VGLL4: variants seen among roughly 807,000 people sequenced by gnomAD.
The protein encoded by VGLL4 is transcription cofactor vestigial-like protein 4.
VGLL4 carries 7 observed loss-of-function variants against 21.0 expected under a neutral mutation model. The observed-to-expected ratio is 0.33, with a 90% CI of 0.19 to 0.63. The LOEUF is 0.63. Among genes scored for constraint, VGLL4 ranks in the 20% least tolerant of loss-of-function variants. VGLL4 has a pLI of 0.78. For missense variants in VGLL4, 394 were observed against 425.7 expected, an observed-to-expected ratio of 0.93 and a Z score of 0.66; for synonymous variants, 222 against 173.2, an observed-to-expected ratio of 1.28 and a Z score of -2.21.
intron 2 of VGLL4, among the ~76,000 whole-genome samples, chr3:11,689,846 T>C (rs116664732): frequency 0.031 from 4,756 of 152,142 alleles, 252 homozygotes; most frequent in African/African-American, 0.11. Flanking sequence ...GGAGGCAGAG[T>C]GGGGGACAAA....
chr3:11,705,263 G>A (rs6788714), intron 1 of VGLL4, among the ~76,000 whole-genome samples: 99,297 of 152,176 alleles, frequency 0.65, 32,609 homozygotes, highest in African/African-American at 0.71. Context: ...GGCGGACAAC[G>A]GGAAGGCCAG....
At chr3:11,561,559 A>G (rs1402138331) in intron 3 of VGLL4, among the ~76,000 whole-genome samples, 8 of 152,174 alleles carry the variant, frequency 5.3e-5, no homozygotes, top group Non-Finnish European at 1.2e-4. Flanking sequence ...AGCTGGAGTC[A>G]GGCATCTTGC....
At chr3:11,571,103 G>A (rs940425108) in intron 2 of VGLL4, among the ~76,000 whole-genome samples, 28 of 152,268 alleles carry the variant, frequency 1.8e-4, no homozygotes, top group African/African-American at 5.8e-4. Flanking sequence ...GAAGTGTGTC[G>A]TGGGCAGGAA....
Position 11,637,337 on chromosome 3 carries a change from T to C in VGLL4, c.82+6100A>G, listed in dbSNP as rs148565353. ...ATCCCTAATACATTTCTTAGTAGAG[T>C]ATAGGCATTCCATAAATGTTTAATA... On this transcript the variant is annotated intron_variant, in intron 1 of 4. Transcript: ENST00000430365. Among the ~76,000 whole-genome samples the C allele has an allele frequency of 1.9e-3, 291 of 151,962 alleles. 1 individual carries two copies. The highest frequency in any genetic ancestry group is 3.2e-3 in the Non-Finnish European group (219 of 68,006).
At chr3:11,717,622 T>C (rs2076937672) in intron 1 of VGLL4, among the ~76,000 whole-genome samples, 1 of 150,742 alleles carries the variant, frequency 6.6e-6, no homozygotes, top group South Asian at 2.1e-4. Context: ...ATTACATAGG[T>C]GAAACACCGC....
chr3:11,690,650 A>G (rs1021419327), intron 2 of VGLL4, among the ~76,000 whole-genome samples: 1 of 152,132 alleles, frequency 6.6e-6, no homozygotes, highest in Admixed American at 6.6e-5. Context: ...CAAAGAGAGA[A>G]AAAAAAACAC....
At chr3:11,678,222 T>C (rs1035797182) in intron 2 of VGLL4, among the ~76,000 whole-genome samples, 2 of 152,058 alleles carry the variant, frequency 1.3e-5, no homozygotes, top group African/African-American at 2.4e-5. Flanking sequence ...ATCTGGCTAA[T>C]TTTTTGTATT....
intron 1 of VGLL4, among the ~76,000 whole-genome samples, chr3:11,611,250 C>A (rs1349971358): frequency 6.6e-6 from 1 of 152,134 alleles, no homozygotes; most frequent in Non-Finnish European, 1.5e-5. Flanking sequence ...TATTTGAAGA[C>A]AGAGACTTTA....
In VGLL4 at chr3:11,573,267, GAA is replaced by G. The variant is rs1253449459; in HGVS notation, c.273-8250_273-8249del. Among the ~76,000 whole-genome samples the G allele has an allele frequency of 4.3e-3, 38 of 8,766 alleles. 1 individual carries two copies. The highest frequency in any genetic ancestry group is 0.031 in the South Asian group (3 of 98). 5.8% of individuals were successfully genotyped at this position (8,766 alleles called of 152,430 possible). A position where few individuals can be genotyped will look rare whatever the true frequency, so the allele number is the denominator to read the frequency against. ...ATAGAGAAAGAAAGAAAGAAAGAAAGAAAGAAAGAAAGAAAGAAAGAAAGAAA... is the reference window on the plus strand; with the variant it reads ...ATAGAGAAAGAAAGAAAGAAAGAAAGAGAAAGAAAGAAAGAAAGAAAGAAA... On this transcript the variant is annotated intron_variant, in intron 2 of 4. Transcript: ENST00000430365.
At position 11,719,457 on chromosome 3, in the gene VGLL4, G is replaced by C. The variant is rs915606424; in HGVS notation, c.-14+937C>G. 1 of 151,458 alleles carries C rather than the reference G, an allele frequency of 6.6e-6. No individual in the cohort carries two copies. The highest frequency in any genetic ancestry group is 1.5e-5 in the Non-Finnish European group (1 of 67,824). The allele number at this position is 151,458 out of a possible 1,614,324, so 9.4% of individuals were successfully genotyped here. On this transcript the variant is annotated intron_variant, in intron 1 of 5. Transcript: ENST00000273038. This position sits in a 1 kb window ranked among gnomAD's most constrained non-coding sequence, Gnocchi z 4.0. ...GGCGCGCCCGCCTGGGGCCGGCCTG[G>C]CCCTGCGGGGGACCCAGGGGCGGGG...
intron 2 of VGLL4, chr3:11,692,916 C>A (rs1052272324): frequency 2.0e-5 from 3 of 153,064 alleles, no homozygotes; most frequent in African/African-American, 7.2e-5. Context: ...TGCCTGTAAT[C>A]CCAGCACTTT....
chr3:11,608,296 T>A (rs371890698), intron 1 of VGLL4, among the ~76,000 whole-genome samples: 3 of 152,270 alleles, frequency 2.0e-5, no homozygotes, highest in South Asian at 4.1e-4. Context: ...GCCTTTTACA[T>A]GAAGATAATT....
intron 2 of VGLL4, among the ~76,000 whole-genome samples, chr3:11,581,318 C>T (rs746577581): frequency 2.0e-5 from 3 of 152,176 alleles, no homozygotes; most frequent in Non-Finnish European, 2.9e-5. Flanking sequence ...CTGCCTGCCT[C>T]GGCCTCCTGA....
intron 2 of VGLL4, among the ~76,000 whole-genome samples, chr3:11,665,104 T>C (rs2076098367): frequency 2.2e-5 from 1 of 45,666 alleles, no homozygotes; most frequent in Non-Finnish European, 5.3e-5. Context: ...TATTTTTCTT[T>C]TTTTTTTTTT....
intron 2 of VGLL4, among the ~76,000 whole-genome samples, chr3:11,694,793 A>G (rs9835698): frequency 0.71 from 107,427 of 152,064 alleles, 38,296 homozygotes; most frequent in African/African-American, 0.78. Context: ...TGATAGGTAG[A>G]CTAACATTAC....
intron 2 of VGLL4, among the ~76,000 whole-genome samples, chr3:11,649,329 C>T (rs1306729576): frequency 6.6e-5 from 10 of 151,152 alleles, no homozygotes; most frequent in Admixed American, 5.9e-4. Context: ...TGAAAACATA[C>T]ATATATATAT....
In VGLL4 at chr3:11,557,166, A is replaced by G. The variant is rs1489941892; in HGVS notation, c.*1390T>C. 1.3e-5 allele frequency: 2 copies of G among 152,766 alleles called. No individual in the cohort carries two copies. Among genetic ancestry groups the G allele is most frequent in the African/African-American group, 4.8e-5 (2 of 41,464 alleles). The allele number at this position is 152,766 out of a possible 1,614,324, so 9.5% of individuals were successfully genotyped here. ...AAACGCTCATTGACCAAAAAGGAGCAGCTGTGACCTCCACAGCTGTGTCTG... is the reference window on the plus strand; with the variant it reads ...AAACGCTCATTGACCAAAAAGGAGCGGCTGTGACCTCCACAGCTGTGTCTG... On this transcript the variant is annotated 3_prime_UTR_variant, in exon 5 of 5. Transcript: ENST00000430365.
chr3:11,618,366 C>T (rs2075204519), intron 1 of VGLL4, among the ~76,000 whole-genome samples: 2 of 152,074 alleles, frequency 1.3e-5, no homozygotes, highest in Non-Finnish European at 1.5e-5. Flanking sequence ...GAACTGAAGT[C>T]AAAAGTATGT....
intron 2 of VGLL4, among the ~76,000 whole-genome samples, chr3:11,592,959 G>A (rs777775077): frequency 9.9e-5 from 15 of 152,174 alleles, no homozygotes; most frequent in Non-Finnish European, 2.1e-4. Context: ...TGAGAATCAG[G>A]ACCTATCATC....
Sources: allele counts gnomAD v4.1 joint callset (sites outside exome capture counted in the v4.1 genomes callset), GRCh38; gene constraint gnomAD v4.1.1; non-coding constraint Gnocchi (gnomAD v3.1); transcripts MANE v1.5; gene names NCBI Gene and HGNC (gene_info 2026-07-23, HGNC 2026-07-21).